Variants in VTCN1 observed in about 807,000 individuals in gnomAD.
VTCN1 encodes V-set domain-containing T-cell activation inhibitor 1.
In VTCN1, 26 loss-of-function variants were observed where a neutral mutation model predicts 26.5. That is an observed-to-expected ratio of 0.98 (90% confidence interval 0.72 to 1.36). The LOEUF (loss-of-function observed/expected upper bound fraction) is 1.36. VTCN1 is among the 40% of genes most tolerant of loss of function. The pLI is 0.00. For synonymous variants in VTCN1, 116 were observed against 130.7 expected, an observed-to-expected ratio of 0.89 and a Z score of 0.77; for missense variants, 298 against 337.7, an observed-to-expected ratio of 0.88 and a Z score of 0.92.
chr1:117,191,276 T>C (rs1233980785), intron 1 of VTCN1, among the ~76,000 whole-genome samples: 1 of 152,236 alleles, frequency 6.6e-6, no homozygotes, highest in African/African-American at 2.4e-5. Context: ...AGAAGACTTT[T>C]GGGCCACCAT....
At chr1:117,202,412 G>C (rs921310887) in intron 1 of VTCN1, among the ~76,000 whole-genome samples, 5 of 152,116 alleles carry the variant, frequency 3.3e-5, no homozygotes, top group Admixed American at 3.3e-4. Flanking sequence ...GAAACCAAGA[G>C]AAGAAAGAGC....
At chr1:117,162,146 A>G (rs1422656447) in intron 2 of VTCN1, among the ~76,000 whole-genome samples, 1 of 152,188 alleles carries the variant, frequency 6.6e-6, no homozygotes, top group Non-Finnish European at 1.5e-5. Flanking sequence ...AATGTTGATT[A>G]AATCCCCTCC....
At chr1:117,209,095 G>A (rs1649235119) in intron 1 of VTCN1, among the ~76,000 whole-genome samples, 1 of 152,194 alleles carries the variant, frequency 6.6e-6, no homozygotes, top group Non-Finnish European at 1.5e-5. Flanking sequence ...CAAAGGATCT[G>A]CCACCCTCAT....
chr1:117,176,996 G>A (rs1342750800), intron 1 of VTCN1, among the ~76,000 whole-genome samples: 1 of 152,182 alleles, frequency 6.6e-6, no homozygotes, highest in African/African-American at 2.4e-5. Flanking sequence ...CTACTCGGGA[G>A]GCTGAGGCAG....
intron 1 of VTCN1, among the ~76,000 whole-genome samples, chr1:117,208,133 C>T (rs1185573657): frequency 6.6e-6 from 1 of 152,164 alleles, no homozygotes; most frequent in African/African-American, 2.4e-5. Flanking sequence ...TATCGAAGGC[C>T]CAGTGTGACC....
chr1:117,156,457 C>G, intron 3 of VTCN1, 117 bp downstream of exon 3: 10 of 1,145,148 alleles, frequency 8.7e-6, no homozygotes, highest in Non-Finnish European at 1.2e-5. Flanking sequence ...CAGCTGTTAG[C>G]AGAATTGGGA....
Position 117,175,196 on chromosome 1 carries a change from A to G in VTCN1, c.33-5025T>C, listed in dbSNP as rs1647270603. On this transcript the variant is annotated intron_variant, in intron 1 of 5. Transcript: ENST00000369458. This position sits in a 1 kb window ranked among gnomAD's most constrained non-coding sequence, Gnocchi z 4.2. ...ATAAAGGTAACAGGCCTTATGGGGG[A>G]AAATAGGCTTAAAGGCAGAGCGCTC... Among the ~76,000 whole-genome samples, 1 of 152,230 alleles carries G rather than the reference A, an allele frequency of 6.6e-6. No individual in the cohort carries two copies. The highest frequency in any genetic ancestry group is 2.1e-4 in the South Asian group (1 of 4,832).
At chr1:117,194,078 G>A (rs1462199226) in intron 1 of VTCN1, among the ~76,000 whole-genome samples, 2 of 151,950 alleles carry the variant, frequency 1.3e-5, no homozygotes, top group South Asian at 2.1e-4. Flanking sequence ...AAAATGAACA[G>A]GCAACCTAAA....
At chr1:117,209,713 G>A (rs989735359) in intron 1 of VTCN1, among the ~76,000 whole-genome samples, 1 of 152,212 alleles carries the variant, frequency 6.6e-6, no homozygotes, top group Admixed American at 6.5e-5. Context: ...CAGGGGTGGG[G>A]GCAGAAGTGC....
In VTCN1 at chr1:117,168,410, T is replaced by C. The variant is rs369243696; in HGVS notation, c.97+1697A>G. Among the ~76,000 whole-genome samples the C allele has an allele frequency of 2.0e-5, 3 of 152,278 alleles. No homozygotes were observed. The East Asian group carries it at 5.8e-4, about 29-fold the overall frequency. On this transcript the variant is annotated intron_variant, in intron 2 of 5. Coordinates refer to ENST00000369458, the MANE Select transcript of VTCN1 (RefSeq NM_024626.4). ...CTCTTGTACTACATATAAAATTAAC[T>C]TGAGATGGTTTGCAGATATAAATGT...
At position 117,161,799 on chromosome 1, in the gene VTCN1, C is replaced by T. The variant is rs1379343496; in HGVS notation, c.98-4878G>A. On this transcript the variant is annotated intron_variant, in intron 2 of 5. Coordinates refer to ENST00000369458, the MANE Select transcript of VTCN1 (RefSeq NM_024626.4). The surrounding 1 kb of genome is among the most constrained non-coding windows in gnomAD (Gnocchi z 4.3). ...AATACTGAGAGGTTCACAATAAAAT[C>T]ATGAATCAAATACAACTATGTTACA... Among the ~76,000 whole-genome samples the T allele has an allele frequency of 6.6e-6, 1 of 152,066 alleles. No homozygotes were observed. The highest frequency in any genetic ancestry group is 1.5e-5 in the Non-Finnish European group (1 of 68,012).
At chr1:117,160,969 G>A (rs779324645) in intron 2 of VTCN1, among the ~76,000 whole-genome samples, 16 of 152,160 alleles carry the variant, frequency 1.1e-4, no homozygotes, top group Non-Finnish European at 2.2e-4. Flanking sequence ...GGAGGAAGAG[G>A]AGACAAAAAC....
At chr1:117,148,007 G>A (rs376084340) in intron 4 of VTCN1, among the ~76,000 whole-genome samples, 5 of 152,234 alleles carry the variant, frequency 3.3e-5, no homozygotes, top group South Asian at 2.1e-4. Context: ...ACACTCAGCC[G>A]AATGAAAAAC....
At chr1:117,149,281 G>T in intron 4 of VTCN1, among the ~76,000 whole-genome samples, 1 of 145,136 alleles carries the variant, frequency 6.9e-6, no homozygotes, top group Middle Eastern at 3.5e-3. Flanking sequence ...TTGCTCCTAT[G>T]TTTTGGGGTG....
At chr1:117,150,522 T>C (rs941398205) in intron 4 of VTCN1, among the ~76,000 whole-genome samples, 6 of 152,228 alleles carry the variant, frequency 3.9e-5, no homozygotes, top group Non-Finnish European at 8.8e-5. Flanking sequence ...TACAGGCAAC[T>C]AATAATCCTA....
intron 1 of VTCN1, among the ~76,000 whole-genome samples, chr1:117,179,376 G>A (rs2884558): frequency 0.78 from 119,188 of 152,116 alleles, 47,655 homozygotes; most frequent in East Asian, 0.99. Context: ...AAATAGTTGA[G>A]GGAACTAGGG....
intron 1 of VTCN1, chr1:117,173,213 A>T: frequency 1.4e-6 from 1 of 716,168 alleles, no homozygotes; most frequent in Non-Finnish European, 2.6e-6. Flanking sequence ...TCATTCTTGA[A>T]GTCAGCAAGA....
intron 1 of VTCN1, among the ~76,000 whole-genome samples, chr1:117,176,391 G>C (rs987551058): frequency 6.6e-6 from 1 of 152,062 alleles, no homozygotes; most frequent in African/African-American, 2.4e-5. Context: ...TGTTTGGAAG[G>C]CTCCTGTCAC....
chr1:117,148,393 T>C (rs1481354125), intron 4 of VTCN1, among the ~76,000 whole-genome samples: 10 of 152,196 alleles, frequency 6.6e-5, no homozygotes, highest in African/African-American at 7.2e-5. Flanking sequence ...ACCTACTTCA[T>C]AGGGTTCTTA....
Sources: gnomAD v4.1 joint callset for allele counts (sites outside exome capture counted in the v4.1 genomes callset) on GRCh38, gnomAD v4.1.1 for gene constraint, Gnocchi (gnomAD v3.1) non-coding constraint, MANE v1.5 for transcripts, NCBI Gene and HGNC (gene_info 2026-07-23, HGNC 2026-07-21) for gene names.